HOOK1: variants seen among roughly 807,000 people sequenced by gnomAD.
The protein encoded by HOOK1 is hook microtubule tethering protein 1.
In HOOK1, 60 loss-of-function variants were observed where a neutral mutation model predicts 112.8. The ratio of observed to expected loss-of-function variants is 0.53; its 90% confidence interval spans 0.43 to 0.66. HOOK1 has a LOEUF of 0.66. HOOK1 is among the 30% of genes least tolerant of loss of function. HOOK1 has a pLI of 0.00. For synonymous variants in HOOK1, 294 were observed against 283.8 expected (o/e 1.04, Z -0.36); for missense variants, 770 against 856.0 (o/e 0.90, Z 1.25).
intron 10 of HOOK1, 70 bp from the exon 11 acceptor site, chr1:59,848,245 T>TTA: frequency 9.2e-7 from 1 of 1,091,410 alleles, no homozygotes; most frequent in Non-Finnish European, 1.3e-6. Flanking sequence ...AAGATTCATT[T>TTA]TATAGCCAGA....
At chr1:59,865,764 G>A (rs188486932) in intron 18 of HOOK1, 108 bp from the exon 19 acceptor site, 186 of 421,554 alleles carry the variant, frequency 4.4e-4, no homozygotes, top group African/African-American at 3.4e-3. Flanking sequence ...TTAAGTTATC[G>A]TCTTTAGAAA....
chr1:59,854,716 T>C (rs1328704295), intron 12 of HOOK1, among the ~76,000 whole-genome samples: 1 of 152,212 alleles, frequency 6.6e-6, no homozygotes, highest in African/African-American at 2.4e-5. Flanking sequence ...CTTTCAAGAT[T>C]TTCGCTTTGC....
At chr1:59,872,222 A>G (rs1644065919) in intron 21 of HOOK1, among the ~76,000 whole-genome samples, 1 of 152,230 alleles carries the variant, frequency 6.6e-6, no homozygotes, top group African/African-American at 2.4e-5. Context: ...CAGCCAAAAT[A>G]TGGTAATTTA....
chr1:59,858,291 T>C (rs2098411738), intron 12 of HOOK1, 137 bp from the exon 13 acceptor site: 1 of 641,686 alleles, frequency 1.6e-6, no homozygotes, highest in African/African-American at 1.8e-5. Context: ...GAATAGAAAA[T>C]GAGCTTCTTA....
intron 2 of HOOK1, among the ~76,000 whole-genome samples, chr1:59,825,588 G>A (rs1372177898): frequency 1.3e-5 from 2 of 152,134 alleles, no homozygotes; most frequent in East Asian, 1.9e-4. Flanking sequence ...TGAGGTAGAT[G>A]TTATTTTTAC....
chr1:59,846,585 T>TCCTC lies in HOOK1; in HGVS notation c.789-454_789-451dup, dbSNP rs1553462805. On this transcript the variant is annotated intron_variant, in intron 9 of 21. Transcript: ENST00000371208. ...TTCCTTCCTTCCTTCCTTCCTTCCT[T>TCCTC]CCTCCCTCCTCCCTCCCTCCCTCCC... Among the ~76,000 whole-genome samples the TCCTC allele has an allele frequency of 3.3e-5, 2 of 61,000 alleles. 1 individual carries two copies. Among genetic ancestry groups the TCCTC allele is most frequent in the Non-Finnish European group, 6.1e-5 (2 of 32,586 alleles). 40.0% of individuals were successfully genotyped at this position (61,000 alleles called of 152,430 possible).
At chr1:59,849,664 A>C (rs1286901479) in intron 12 of HOOK1, among the ~76,000 whole-genome samples, 1 of 151,292 alleles carries the variant, frequency 6.6e-6, no homozygotes, top group Non-Finnish European at 1.5e-5. Context: ...TCTCAGCCCT[A>C]CTCTTAATAA....
At chr1:59,851,504 A>C (rs1362552411) in intron 12 of HOOK1, among the ~76,000 whole-genome samples, 2 of 151,626 alleles carry the variant, frequency 1.3e-5, no homozygotes, top group Non-Finnish European at 3.0e-5. Context: ...AGTTTTGTGC[A>C]TTGATCATGA....
At chr1:59,822,893 G>A (rs141689638) in intron 2 of HOOK1, among the ~76,000 whole-genome samples, 103 of 152,252 alleles carry the variant, frequency 6.8e-4, no homozygotes, top group East Asian at 5.6e-3. Context: ...GATCTCTTGC[G>A]AATAGACTGA....
At chr1:59,852,766 T>A (rs542093187) in intron 12 of HOOK1, among the ~76,000 whole-genome samples, 137 of 151,936 alleles carry the variant, frequency 9.0e-4, no homozygotes, top group African/African-American at 2.8e-3. Context: ...TGATTTTTTT[T>A]AATATAGATA....
At position 59,865,982 on chromosome 1, in the gene HOOK1, T is replaced by C. The variant is rs747126222; in HGVS notation, c.1845+10T>C. On this transcript the variant is annotated intron_variant, in intron 19 of 21. Transcript: ENST00000371208. Reference sequence around the variant, plus strand: ...GGAGAAAGCCAGAAATGTGAGTGACTTATCTTTCGGAGCTCAAGACTTTGT... The same window carrying C: ...GGAGAAAGCCAGAAATGTGAGTGACCTATCTTTCGGAGCTCAAGACTTTGT... 1.4e-6 allele frequency: 2 copies of C among 1,463,788 alleles called. No individual in the cohort carries two copies. The highest frequency in any genetic ancestry group is 1.9e-6 in the Non-Finnish European group (2 of 1,054,360). 90.7% of individuals were successfully genotyped at this position (1,463,788 alleles called of 1,614,324 possible).
intron 9 of HOOK1, among the ~76,000 whole-genome samples, chr1:59,845,621 A>T (rs2098403353): frequency 6.7e-6 from 1 of 148,840 alleles, no homozygotes; most frequent in African/African-American, 2.5e-5. Context: ...TTGTCAGATG[A>T]TTTTTCTGCA....
intron 8 of HOOK1, 51 bp from the exon 9 acceptor site, chr1:59,843,381 T>G: frequency 7.3e-7 from 1 of 1,371,382 alleles, no homozygotes; most frequent in Non-Finnish European, 1.0e-6. Flanking sequence ...AGAATTTTTA[T>G]TTTTTTGTTT....
intron 13 of HOOK1, 61 bp downstream of exon 13, chr1:59,858,576 C>T (rs931166166): frequency 4.5e-6 from 5 of 1,105,296 alleles, no homozygotes; most frequent in Admixed American, 1.7e-5. Flanking sequence ...CTCCATTCAA[C>T]AAAAAATAAA....
At chr1:59,858,262 A>T (rs1398848228) in intron 12 of HOOK1, among the ~76,000 whole-genome samples, 166 bp from the exon 13 acceptor site, 1 of 152,232 alleles carries the variant, frequency 6.6e-6, no homozygotes, top group East Asian at 1.9e-4. Context: ...GTATAAAGAC[A>T]CATACTATTT....
intron 1 of HOOK1, 42 bp downstream of exon 1, chr1:59,815,222 G>A (rs1290536242): frequency 6.6e-7 from 1 of 1,526,716 alleles, no homozygotes; most frequent in Non-Finnish European, 8.8e-7. Context: ...CCAGGGGGCC[G>A]AGGCGAGGAG....
At chr1:59,843,730 C>A in intron 9 of HOOK1, 132 bp downstream of exon 9, 2 of 667,166 alleles carry the variant, frequency 3.0e-6, no homozygotes, top group South Asian at 2.4e-5. Context: ...CCTGAAAATA[C>A]CAGATGGTAT....
chr1:59,869,231 G>C (rs751785279), intron 20 of HOOK1, among the ~76,000 whole-genome samples: 3 of 149,194 alleles, frequency 2.0e-5, no homozygotes, highest in Non-Finnish European at 4.4e-5. Flanking sequence ...TTGCTCTGTC[G>C]CCCAGGCTGG....
chr1:59,848,248 T>A (rs2098405237), intron 10 of HOOK1, 67 bp from the exon 11 acceptor site: 1 of 1,096,152 alleles, frequency 9.1e-7, no homozygotes, highest in African/African-American at 1.6e-5. Context: ...ATTCATTTTA[T>A]AGCCAGAGTA....
Sources: gnomAD v4.1 joint callset for allele counts (sites outside exome capture counted in the v4.1 genomes callset) on GRCh38, gnomAD v4.1.1 for gene constraint, MANE v1.5 for transcripts, NCBI Gene and HGNC (gene_info 2026-07-23, HGNC 2026-07-21) for gene names.